The following CNBD1 variants were observed in gnomAD, a reference collection of about 807,000 sequenced individuals.
The protein encoded by CNBD1 is cyclic nucleotide binding domain containing 1.
Under a neutral mutation model 54.4 loss-of-function variants are expected in CNBD1, and 71 were observed. That is an observed-to-expected ratio of 1.30 (90% CI 1.08 to 1.59). The LOEUF (loss-of-function observed/expected upper bound fraction) is 1.59. Ranked by LOEUF, CNBD1 falls within the 40% of genes most tolerant of loss-of-function variation. CNBD1 has a pLI of 0.00. For synonymous variants in CNBD1, 182 were observed against 170.7 expected (o/e 1.07, Z -0.51); for missense variants, 659 against 518.0 (o/e 1.27, Z -2.64).
At position 86,971,751 on chromosome 8, in the gene CNBD1, C is replaced by A. The variant is rs116701773; in HGVS notation, c.431+31997C>A. 3.8e-3 allele frequency among the ~76,000 whole-genome samples: 580 copies of A among 152,056 alleles called. 4 individuals carry two copies. The highest frequency in any genetic ancestry group is 0.013 in the African/African-American group (544 of 41,492). ...TTTCTTATTATATTTTCTAACTAAG[C>A]ATTGTTAGGATATGTAAAAGCTATT... is the stretch of plus-strand genomic sequence containing the variant. On this transcript the variant is annotated intron_variant, in intron 4 of 10. Coordinates refer to ENST00000518476, the MANE Select transcript of CNBD1 (RefSeq NM_173538.3).
intron 1 of CNBD1, among the ~76,000 whole-genome samples, chr8:86,875,108 C>T (rs866644679): frequency 1.3e-5 from 2 of 151,428 alleles, no homozygotes; most frequent in Middle Eastern, 3.5e-3. Flanking sequence ...TTCTGTATTT[C>T]TAACTCCCAT....
intron 4 of CNBD1, among the ~76,000 whole-genome samples, chr8:87,060,591 T>TCAC (rs1431431720): frequency 2.0e-5 from 3 of 152,210 alleles, no homozygotes; most frequent in Non-Finnish European, 4.4e-5. Context: ...GCCCATTGTA[T>TCAC]TGTGAAAGTT....
intron 4 of CNBD1, among the ~76,000 whole-genome samples, chr8:87,126,188 A>T (rs1459189072): frequency 6.6e-6 from 1 of 151,998 alleles, no homozygotes; most frequent in Non-Finnish European, 1.5e-5. Context: ...TGGAGTAAAT[A>T]CCTAGGAGTG....
downstream of CNBD1, among the ~76,000 whole-genome samples, chr8:87,383,112 T>C (rs1811115055): frequency 6.6e-6 from 1 of 152,056 alleles, no homozygotes; most frequent in Non-Finnish European, 1.5e-5. Flanking sequence ...CCAAATTTAT[T>C]TGAGAACTTC....
In CNBD1 at chr8:87,317,131, T is replaced by C. The variant is rs563183108; in HGVS notation, c.1042+30460T>C. Among the ~76,000 whole-genome samples, 9 of 151,976 alleles carry C rather than the reference T, an allele frequency of 5.9e-5. No individual in the cohort carries two copies. In the East Asian group the frequency reaches 1.7e-3, roughly 29 times the overall value. ...GTCTGACTAGAAAATATCAGTTCTA[T>C]TTATCTTCTCAAAGAAATAGCCTTG... On this transcript the variant is annotated intron_variant, in intron 8 of 10. Transcript: ENST00000518476.
intron 6 of CNBD1, among the ~76,000 whole-genome samples, chr8:87,260,806 T>G (rs1002476489): frequency 3.3e-5 from 5 of 152,152 alleles, no homozygotes; most frequent in African/African-American, 1.2e-4. Flanking sequence ...AGTAAGATTT[T>G]GTCATTTCTG....
chr8:87,337,730 G>C (rs542790987), intron 8 of CNBD1, among the ~76,000 whole-genome samples: 1 of 152,208 alleles, frequency 6.6e-6, no homozygotes, highest in Non-Finnish European at 1.5e-5. Context: ...CAGGTGTCCC[G>C]TGTGGCTCTC....
intron 8 of CNBD1, among the ~76,000 whole-genome samples, chr8:87,326,489 G>A (rs2130905232): frequency 8.2e-6 from 1 of 122,482 alleles, no homozygotes; most frequent in Admixed American, 8.0e-5. Flanking sequence ...ATTTCTTGGA[G>A]GCTTTGCTCA....
chr8:87,153,559 A>C (rs1812650372), intron 4 of CNBD1, among the ~76,000 whole-genome samples: 1 of 152,198 alleles, frequency 6.6e-6, no homozygotes, highest in Admixed American at 6.5e-5. Context: ...ACACTACCTA[A>C]AAGTGGACAT....
At chr8:87,378,601 T>C (rs1217805385) in intron 10 of CNBD1, among the ~76,000 whole-genome samples, 1 of 149,334 alleles carries the variant, frequency 6.7e-6, no homozygotes, top group Non-Finnish European at 1.5e-5. Context: ...GCCTCCAGCT[T>C]TGTTCTTTTG....
At chr8:87,387,963 G>A (rs141672156) in intron 2 of CNBD1, among the ~76,000 whole-genome samples, 27,081 of 151,932 alleles carry the variant, frequency 0.18, 3,577 homozygotes, top group African/African-American at 0.38. Flanking sequence ...ACTCAAAACC[G>A]CTCAACTACA....
chr8:87,004,285 G>A (rs1809050951), intron 4 of CNBD1, among the ~76,000 whole-genome samples: 1 of 152,124 alleles, frequency 6.6e-6, no homozygotes, highest in African/African-American at 2.4e-5. Context: ...CACTTCTCAT[G>A]GTGAAGGCAG....
intron 3 of CNBD1, among the ~76,000 whole-genome samples, chr8:86,909,754 C>G (rs902210552): frequency 2.0e-5 from 3 of 152,076 alleles, no homozygotes; most frequent in Non-Finnish European, 4.4e-5. Context: ...ATCTGAGAAC[C>G]CTGGCTTAAG....
intron 4 of CNBD1, among the ~76,000 whole-genome samples, chr8:87,021,370 T>C (rs2130577101): frequency 6.6e-6 from 1 of 152,380 alleles, no homozygotes; most frequent in East Asian, 1.9e-4. Context: ...TCTATTATCC[T>C]ATTATATTTC....
At chr8:87,172,617 A>G (rs1396269420) in intron 4 of CNBD1, among the ~76,000 whole-genome samples, 1 of 152,008 alleles carries the variant, frequency 6.6e-6, no homozygotes, top group Non-Finnish European at 1.5e-5. Flanking sequence ...CCTGTTTATC[A>G]TTATATAATG....
intron 5 of CNBD1, among the ~76,000 whole-genome samples, chr8:87,227,059 C>T (rs1814516195): frequency 6.6e-6 from 1 of 151,246 alleles, no homozygotes; most frequent in African/African-American, 2.4e-5. Flanking sequence ...ACTAGGATTG[C>T]AACCCCTGCC....
At chr8:86,868,323 G>GTATT (rs561217445) in intron 1 of CNBD1, among the ~76,000 whole-genome samples, 1,549 of 152,124 alleles carry the variant, frequency 0.01, 12 homozygotes, top group South Asian at 0.034. Context: ...TTCTCTGTAA[G>GTATT]TATTTATTTA....
intron 4 of CNBD1, among the ~76,000 whole-genome samples, chr8:87,035,330 C>T (rs1809900478): frequency 6.6e-6 from 1 of 152,148 alleles, no homozygotes; most frequent in Admixed American, 6.5e-5. Flanking sequence ...CATTTCCTTT[C>T]TCATTGGATA....
intron 2 of CNBD1, among the ~76,000 whole-genome samples, chr8:86,893,630 C>T (rs1409628741): frequency 1.3e-5 from 2 of 152,138 alleles, no homozygotes; most frequent in African/African-American, 2.4e-5. Flanking sequence ...ATCCATATCA[C>T]TACAGTTAGC....
Sources: gnomAD v4.1 joint callset for allele counts (sites outside exome capture counted in the v4.1 genomes callset) on GRCh38, gnomAD v4.1.1 for gene constraint, MANE v1.5 for transcripts, NCBI Gene and HGNC (gene_info 2026-07-23, HGNC 2026-07-21) for gene names.